Variants in DRAXIN observed in about 807,000 individuals in gnomAD.
DRAXIN encodes dorsal inhibitory axon guidance protein.
A neutral mutation model predicts 33.9 loss-of-function variants in DRAXIN; 27 were observed. That is an observed-to-expected ratio of 0.80 (90% CI 0.59 to 1.10). DRAXIN has a LOEUF of 1.10. DRAXIN is among the 50% of genes least tolerant of loss of function. The pLI is 0.00. For missense variants in DRAXIN, 371 were observed against 460.8 expected, an observed-to-expected ratio of 0.81 and a Z score of 1.78; for synonymous variants, 178 against 194.0, an observed-to-expected ratio of 0.92 and a Z score of 0.69.
In DRAXIN at chr1:11,694,161, C is replaced by T. The variant is rs1395212172; in HGVS notation, c.-11+2308C>T. Reference sequence around the variant, plus strand: ...CCCTATCTGGGAGGGGTCTGCTCCTCCCTGGGTGGGGGCTGGGTCTCCTTC... The same window carrying T: ...CCCTATCTGGGAGGGGTCTGCTCCTTCCTGGGTGGGGGCTGGGTCTCCTTC... On this transcript the variant is annotated intron_variant, in intron 1 of 6. Coordinates refer to ENST00000294485, the MANE Select transcript of DRAXIN (RefSeq NM_198545.4). This position sits in a 1 kb window ranked among gnomAD's most constrained non-coding sequence, Gnocchi z 4.9. 6.6e-6 allele frequency among the ~76,000 whole-genome samples: 1 copy of T among 152,108 alleles called. No homozygotes were observed. The highest frequency in any genetic ancestry group is 6.6e-5 in the Admixed American group (1 of 15,248).
intron 5 of DRAXIN, among the ~76,000 whole-genome samples, chr1:11,713,858 C>A (rs559289448): frequency 2.0e-5 from 3 of 152,206 alleles, no homozygotes; most frequent in Admixed American, 2.0e-4. Flanking sequence ...GGCCATGAAA[C>A]CCCATCTCTA....
chr1:11,722,468 G>GGGAT lies in DRAXIN; in HGVS notation c.*2775_*2778dup, dbSNP rs1332692632. The GGGAT allele has an allele frequency of 6.6e-6, 1 of 152,208 alleles. No homozygotes were observed. Among genetic ancestry groups the GGGAT allele is most frequent in the African/African-American group, 2.4e-5 (1 of 41,448 alleles). 9.4% of individuals were successfully genotyped at this position (152,208 alleles called of 1,614,324 possible). ...TATCTCTATTTGACATTTCCAAAGA[G>GGGAT]GGATGGGTGGATGGAACCTCTTAAC... On this transcript the variant is annotated 3_prime_UTR_variant, in exon 7 of 7. Transcript: ENST00000294485.
rs533314493 is a variant in DRAXIN at position 11,706,430 on chromosome 1, C to T, written c.172C>T (p.Arg58Cys). 3.9e-5 allele frequency: 63 copies of T among 1,612,004 alleles called. 2 individuals are homozygous for T. In the South Asian group the frequency reaches 4.7e-4, roughly 12 times the overall value. The stretch of plus-strand genomic sequence containing the variant: ...GTGGACGCCTCAGGCCAGCCACCAC[C>T]GCCGGCGGGGCCCGGGCAAGAAGGA... ...ALWTPQASHH[R>C]RRGPGKKEWG... The change falls in exon 2 of 7, where the codon CGC becomes TGC. Residue 58 changes from arginine to cysteine, a missense_variant. Coordinates refer to ENST00000294485, the MANE Select transcript of DRAXIN (RefSeq NM_198545.4). The surrounding 1 kb of genome is among the most constrained non-coding windows in gnomAD (Gnocchi z 5.5).
intron 1 of DRAXIN, among the ~76,000 whole-genome samples, chr1:11,698,659 C>T (rs1641228206): frequency 1.3e-5 from 2 of 152,110 alleles, no homozygotes; most frequent in African/African-American, 2.4e-5. Context: ...TCAAGACCAG[C>T]CTGGGCAACA....
At chr1:11,691,400 G>T (rs898147193), upstream of DRAXIN, 8 of 152,046 alleles carry the variant, frequency 5.3e-5, no homozygotes, top group African/African-American at 1.7e-4. Context: ...GCGCCGAGGC[G>T]GCTCTTACGC....
rs34363083 is a variant in DRAXIN, at chr1:11,717,661, C to CA, written c.938-1910dup. On this transcript the variant is annotated intron_variant, in intron 6 of 6. Coordinates refer to ENST00000294485, the MANE Select transcript of DRAXIN (RefSeq NM_198545.4). The stretch of plus-strand genomic sequence containing the variant: ...TGGGCAACAGAGAGAGACTCCGTCT[C>CA]AAAAAAAAAAAAAGAAAGGGTAGAC... 2.4e-3 allele frequency among the ~76,000 whole-genome samples: 292 copies of CA among 124,102 alleles called. 4 individuals are homozygous for CA. Among genetic ancestry groups the CA allele is most frequent in the Admixed American group, 5.6e-3 (68 of 12,142 alleles). The allele number at this position is 124,102 out of a possible 152,430, so 81.4% of individuals were successfully genotyped here.
chr1:11,688,432 G>A (rs533895551), upstream of DRAXIN, among the ~76,000 whole-genome samples: 63 of 152,082 alleles, frequency 4.1e-4, no homozygotes, highest in Non-Finnish European at 7.8e-4. This position sits in a 1 kb window ranked among gnomAD's most constrained non-coding sequence, Gnocchi z 4.6. Context: ...ATGGTGGCAG[G>A]TGCCTGTAGT....
chr1:11,696,631 G>C lies in DRAXIN; in HGVS notation c.-11+4778G>C, dbSNP rs541238266. ...ACACTTTGGGAGGCCAAAGCGAGCA[G>C]GTCACGAGGTCAAGAGATCGAGAAC... On this transcript the variant is annotated intron_variant, in intron 1 of 6. Coordinates refer to ENST00000294485, the MANE Select transcript of DRAXIN (RefSeq NM_198545.4). This position sits in a 1 kb window ranked among gnomAD's most constrained non-coding sequence, Gnocchi z 4.7. 6.6e-6 allele frequency among the ~76,000 whole-genome samples: 1 copy of C among 151,558 alleles called. No individual in the cohort carries two copies. The highest frequency in any genetic ancestry group is 6.6e-5 in the Admixed American group (1 of 15,186).
At chr1:11,712,455 G>A in intron 5 of DRAXIN, 26 bp downstream of exon 5, 3 of 1,613,678 alleles carry the variant, frequency 1.9e-6, no homozygotes, top group Non-Finnish European at 2.5e-6. Context: ...CACATTCAAG[G>A]CACCAGGCTG....
In DRAXIN at chr1:11,691,721, G is replaced by A. The variant is rs1359953795; in HGVS notation, c.-143G>A. The A allele has an allele frequency of 2.2e-5, 3 of 138,588 alleles. No individual in the cohort carries two copies. The highest frequency in any genetic ancestry group is 2.5e-4 in the South Asian group (1 of 4,078). The allele number at this position is 138,588 out of a possible 1,614,324, so 8.6% of individuals were successfully genotyped here. On this transcript the variant is annotated 5_prime_UTR_variant, in exon 1 of 7. Transcript: ENST00000294485. Reference sequence around the variant, plus strand: ...TCCCCCTTCCTTCCAGTCCCGCTCAGCCCGGGCACATCCTCCGGCTGCCCG... The same window carrying A: ...TCCCCCTTCCTTCCAGTCCCGCTCAACCCGGGCACATCCTCCGGCTGCCCG...
At position 11,694,407 on chromosome 1, in the gene DRAXIN, A is replaced by T. The variant is rs1476030171; in HGVS notation, c.-11+2554A>T. Among the ~76,000 whole-genome samples the T allele has an allele frequency of 6.6e-6, 1 of 151,854 alleles. No homozygotes were observed. Among genetic ancestry groups the T allele is most frequent in the Non-Finnish European group, 1.5e-5 (1 of 67,962 alleles). ...CTGCCCGGAAACCCCTGTGATACTG[A>T]GGCCCTGTATCACTCTGGAAAATGA... On this transcript the variant is annotated intron_variant, in intron 1 of 6. Transcript: ENST00000294485. The surrounding 1 kb of genome is among the most constrained non-coding windows in gnomAD (Gnocchi z 4.9).
upstream of DRAXIN, among the ~76,000 whole-genome samples, chr1:11,689,247 A>G (rs992486329): frequency 2.8e-5 from 4 of 141,106 alleles, no homozygotes; most frequent in African/African-American, 1.1e-4. Flanking sequence ...GTGAGCCGAG[A>G]CTGTGCCACT....
chr1:11,706,461 G>A lies in DRAXIN; in HGVS notation c.203G>A (p.Gly68Asp), dbSNP rs1557689833. 2.5e-6 allele frequency: 4 copies of A among 1,610,356 alleles called. No homozygotes were observed. In the South Asian group the frequency reaches 4.4e-5, roughly 18 times the overall value. ...CGGGGCCCGGGCAAGAAGGAGTGGG[G>A]CCCAGGCCTGCCCAGCCAGGCCCAG... ...RRRGPGKKEW[G>D]PGLPSQAQDG... The change falls in exon 2 of 7, where the codon GGC (glycine) becomes GAC (aspartate). Residue 68 changes from glycine to aspartate, a missense_variant. Gly to Asp is a moderately conservative substitution (Grantham distance 94). Transcript: ENST00000294485. This position sits in a 1 kb window ranked among gnomAD's most constrained non-coding sequence, Gnocchi z 5.5.
chr1:11,709,555 C>T, intron 3 of DRAXIN, 90 bp downstream of exon 3: 1 of 1,405,622 alleles, frequency 7.1e-7, no homozygotes. Context: ...GAGACTGAGG[C>T]ACGGGGGCAG....
rs1337487640 is a variant in DRAXIN at position 11,696,248 on chromosome 1, C to A, written c.-11+4395C>A. On this transcript the variant is annotated intron_variant, in intron 1 of 6. Coordinates refer to ENST00000294485, the MANE Select transcript of DRAXIN (RefSeq NM_198545.4). The surrounding 1 kb of genome is among the most constrained non-coding windows in gnomAD (Gnocchi z 4.7). ...CCTCTGTCTCCCCTTCCCATAGTAA[C>A]AACTACTGTTTATTTCACCCTTCTG... 6.6e-6 allele frequency among the ~76,000 whole-genome samples: 1 copy of A among 152,222 alleles called. No individual in the cohort carries two copies. The highest frequency in any genetic ancestry group is 2.4e-5 in the African/African-American group (1 of 41,458).
In DRAXIN at chr1:11,692,222, A is replaced by G. The variant is rs1362819993; in HGVS notation, c.-11+369A>G. Reference sequence around the variant, plus strand: ...CACTAGCCTTCTCTCTCCCTGACCCAGTCTCCCTTTGTCTCTCTGTCTCTG... The same window carrying G: ...CACTAGCCTTCTCTCTCCCTGACCCGGTCTCCCTTTGTCTCTCTGTCTCTG... On this transcript the variant is annotated intron_variant, in intron 1 of 6. Coordinates refer to ENST00000294485, the MANE Select transcript of DRAXIN (RefSeq NM_198545.4). This position sits in a 1 kb window ranked among gnomAD's most constrained non-coding sequence, Gnocchi z 5.8. Among the ~76,000 whole-genome samples the G allele has an allele frequency of 3.9e-5, 6 of 152,054 alleles. No individual in the cohort carries two copies. The South Asian group carries it at 1.0e-3, about 26-fold the overall frequency.
intron 1 of DRAXIN, among the ~76,000 whole-genome samples, chr1:11,699,926 C>CAATAAATA (rs60342076): frequency 0.013 from 1,843 of 142,678 alleles, 48 homozygotes; most frequent in African/African-American, 0.043. Context: ...GACTCACTCT[C>CAATAAATA]AATAAATAAA....
intron 1 of DRAXIN, among the ~76,000 whole-genome samples, chr1:11,698,400 C>G (rs1641224964): frequency 6.6e-6 from 1 of 152,110 alleles, no homozygotes; most frequent in Admixed American, 6.6e-5. Context: ...TCCAGGAAGC[C>G]CTAACTAGAT....
At chr1:11,686,807 T>TAAAAAAAAAAAAAAAAAAAAAAAA (rs560855200), upstream of DRAXIN, among the ~76,000 whole-genome samples, 1 of 104,490 alleles carries the variant, frequency 9.6e-6, no homozygotes. Flanking sequence ...ACTGCCACTT[T>TAAAAAAAAAAAAAAAAAAAAAAAA]AAAAAAAAAA....
Sources: gnomAD v4.1 joint callset for allele counts (sites outside exome capture counted in the v4.1 genomes callset) on GRCh38, gnomAD v4.1.1 for gene constraint, Gnocchi (gnomAD v3.1) non-coding constraint, MANE v1.5 for transcripts, NCBI Gene and HGNC (gene_info 2026-07-23, HGNC 2026-07-21) for gene names.